The following CNKSR1 variants were observed in gnomAD, a reference collection of about 807,000 sequenced individuals.
CNKSR1 encodes CNK homolog protein 1.
In CNKSR1, 88 loss-of-function variants were observed where a neutral mutation model predicts 95.6. That is an observed-to-expected ratio of 0.92 (90% CI 0.78 to 1.10). The LOEUF is 1.10. Among genes scored for constraint, CNKSR1 ranks in the 50% least tolerant of loss-of-function variants. The probability of loss-of-function intolerance (pLI) is 0.00; values close to 1 mark genes in which losing one functional copy is unlikely to be tolerated. For synonymous variants in CNKSR1, 355 were observed against 369.7 expected (o/e 0.96, Z 0.46); for missense variants, 836 against 912.0 (o/e 0.92, Z 1.07).
At position 26,180,600 on chromosome 1, in the gene CNKSR1, T is replaced by C. The variant is rs763619601; in HGVS notation, c.200T>C (p.Leu67Pro). ...CTCATCCTGGGCGGGGTGGAACAGC[T>C]CCAGGCCCTGGTGAGTGAATGCTGG... is the stretch of plus-strand genomic sequence containing the variant. ...QELILGGVEQ[L>P]QALSSRLQTE... Residue 67 changes from leucine to proline, a missense_variant, in exon 2 of 21, where the codon CTC becomes CCC. Leu to Pro is a moderately conservative substitution (Grantham distance 98). Transcript: ENST00000361530. 1.2e-6 allele frequency: 2 copies of C among 1,614,160 alleles called. No homozygotes were observed. Among genetic ancestry groups the C allele is most frequent in the Middle Eastern group, 1.6e-4 (1 of 6,062 alleles).
Position 26,188,510 on chromosome 1 carries a change from G to A in CNKSR1, c.1590+7G>A, listed in dbSNP as rs368318144. 1.4e-5 allele frequency: 23 copies of A among 1,602,298 alleles called. No individual in the cohort carries two copies. Among genetic ancestry groups the A allele is most frequent in the East Asian group, 4.5e-5 (2 of 44,412 alleles). On this transcript the variant is annotated splice_region_variant and intron_variant, in intron 18 of 20. Coordinates refer to ENST00000361530, the MANE Select transcript of CNKSR1 (RefSeq NM_006314.3). ...TGGGTCCCACTCAGCCTCGGTGAGTGGGGGGCTGCCGGGGGTAGGAGGTGG... is the reference window on the plus strand; with the variant it reads ...TGGGTCCCACTCAGCCTCGGTGAGTAGGGGGCTGCCGGGGGTAGGAGGTGG...
At chr1:26,178,091 G>A (rs927853184) in intron 1 of CNKSR1, among the ~76,000 whole-genome samples, 1 of 152,192 alleles carries the variant, frequency 6.6e-6, no homozygotes, top group Admixed American at 6.5e-5. Flanking sequence ...GATGACCCTG[G>A]GGGGCCCAAG....
At position 26,189,825 on chromosome 1, in the gene CNKSR1, G is replaced by T. The variant is rs767401999; in HGVS notation, c.*277G>T. The T allele has an allele frequency of 1.5e-6, 1 of 660,506 alleles. No individual in the cohort carries two copies. The highest frequency in any genetic ancestry group is 2.8e-5 in the East Asian group (1 of 35,692). The allele number at this position is 660,506 out of a possible 1,614,324, so 40.9% of individuals were successfully genotyped here. On this transcript the variant is annotated 3_prime_UTR_variant, in exon 21 of 21. Coordinates refer to ENST00000361530, the MANE Select transcript of CNKSR1 (RefSeq NM_006314.3). ...TCTCCCCCAAACCAGGTCTGTACAGGTGTTCTTTATTTTACATGAGGGCTA... is the reference window on the plus strand; with the variant it reads ...TCTCCCCCAAACCAGGTCTGTACAGTTGTTCTTTATTTTACATGAGGGCTA...
intron 18 of CNKSR1, 24 bp from the exon 19 acceptor site, chr1:26,188,574 C>T (rs1227704680): frequency 6.2e-7 from 1 of 1,613,076 alleles, no homozygotes; most frequent in Non-Finnish European, 8.5e-7. Context: ...CAGAAACCCT[C>T]TGTGCTTTCC....
At chr1:26,187,013 A>G in intron 14 of CNKSR1, 155 bp from the exon 15 acceptor site, 1 of 683,930 alleles carries the variant, frequency 1.5e-6, no homozygotes. Flanking sequence ...CCCAGATTCC[A>G]GCCCTGAGCT....
chr1:26,183,662 T>A (rs2088684833), intron 8 of CNKSR1, 67 bp from the exon 9 acceptor site: 10 of 1,208,288 alleles, frequency 8.3e-6, no homozygotes, highest in Non-Finnish European at 1.1e-5. Context: ...AGCACGAGGG[T>A]GAGAGTTGGT....
At position 26,180,613 on chromosome 1, in the gene CNKSR1, G is replaced by A. The variant is rs2088631642; in HGVS notation, c.210+3G>A. On this transcript the variant is annotated splice_donor_region_variant and intron_variant, in intron 2 of 20. Coordinates refer to ENST00000361530, the MANE Select transcript of CNKSR1 (RefSeq NM_006314.3). ...GGGTGGAACAGCTCCAGGCCCTGGT[G>A]AGTGAATGCTGGTCACACTGGCTGC... The A allele has an allele frequency of 6.2e-7, 1 of 1,614,096 alleles. No homozygotes were observed. Among genetic ancestry groups the A allele is most frequent in the African/African-American group, 1.3e-5 (1 of 74,942 alleles).
chr1:26,185,938 T>C (rs1259424759), intron 14 of CNKSR1, among the ~76,000 whole-genome samples: 1 of 152,230 alleles, frequency 6.6e-6, no homozygotes, highest in Non-Finnish European at 1.5e-5. Flanking sequence ...TTCAGGTGCC[T>C]ACTGTGAACC....
In CNKSR1 at chr1:26,184,274, C is replaced by A; in HGVS notation, c.987C>A (p.Ser329Arg). 1 of 1,613,800 alleles carries A rather than the reference C, an allele frequency of 6.2e-7. No homozygotes were observed. The highest frequency in any genetic ancestry group is 1.1e-5 in the South Asian group (1 of 91,056). The change falls in exon 11 of 21, where the codon AGC (serine) becomes AGA (arginine). Residue 329 changes from serine to arginine, a missense_variant. Physicochemically the swap from Ser to Arg is moderately radical, Grantham distance 110. Transcript: ENST00000361530. ...CTTCAAACCCCAGTCCCGGACCCAGCCCTGCCTGGACAGGTAGTCTCAAAG... is the reference window on the plus strand; with the variant it reads ...CTTCAAACCCCAGTCCCGGACCCAGACCTGCCTGGACAGGTAGTCTCAAAG... ...DLSSNPSPGP[S>R]PAWTDSASLG...
At chr1:26,178,429 G>A (rs147429499) in intron 1 of CNKSR1, among the ~76,000 whole-genome samples, 1 of 152,176 alleles carries the variant, frequency 6.6e-6, no homozygotes, top group Non-Finnish European at 1.5e-5. Context: ...CTATCCAAGG[G>A]GCAAGGTGCT....
intron 3 of CNKSR1, chr1:26,181,635 T>G: frequency 3.5e-6 from 2 of 564,806 alleles, no homozygotes; most frequent in Non-Finnish European, 3.2e-6. Context: ...CTTTACTGTC[T>G]GTTTCCCCAG....
chr1:26,185,101 C>T lies in CNKSR1; in HGVS notation c.1223C>T (p.Ala408Val), dbSNP rs1212016446. 1.8e-5 allele frequency: 29 copies of T among 1,604,056 alleles called. No individual in the cohort carries two copies. The highest frequency in any genetic ancestry group is 2.5e-5 in the Non-Finnish European group (29 of 1,176,964). ...GACGGCTGGCTCCTGTTGCGAAAGG[C>T]ACCGGGCGGCTTCATGGGCCCGCGC... ...DCDGWLLLRK[A>V]PGGFMGPRWR... The change falls in exon 14 of 21, where the codon GCA (alanine) becomes GTA (valine). Residue 408 changes from alanine (A) to valine (V), a missense_variant. Physicochemically the swap from Ala to Val is moderately conservative, Grantham distance 64. Coordinates refer to ENST00000361530, the MANE Select transcript of CNKSR1 (RefSeq NM_006314.3).
chr1:26,177,679 G>A, intron 1 of CNKSR1, 80 bp downstream of exon 1: 3 of 1,551,750 alleles, frequency 1.9e-6, no homozygotes, highest in African/African-American at 2.7e-5. Context: ...AGAGGAAAAG[G>A]AAAAAAAATC....
At position 26,188,766 on chromosome 1, in the gene CNKSR1, C is replaced by T. The variant is rs559767691; in HGVS notation, c.1691-6C>T. On this transcript the variant is annotated splice_region_variant and splice_polypyrimidine_tract_variant and intron_variant, in intron 19 of 20. Transcript: ENST00000361530. ...CACATCCTCATCCTGCTCTTCCCTC[C>T]CACAGACAGCAGTGAAGAGGCACTG... The T allele has an allele frequency of 5.0e-5, 81 of 1,609,670 alleles. 1 individual carries two copies. In the South Asian group the frequency reaches 8.4e-4, roughly 17 times the overall value.
chr1:26,184,564 A>G (rs1294719093), intron 12 of CNKSR1, 21 bp from the exon 13 acceptor site: 1 of 1,607,208 alleles, frequency 6.2e-7, no homozygotes, highest in Non-Finnish European at 8.5e-7. Context: ...TCCTTCTCTC[A>G]CCCTTCTGCT....
intron 3 of CNKSR1, chr1:26,181,184 G>A (rs1252365389): frequency 7.7e-6 from 3 of 389,324 alleles, no homozygotes; most frequent in Non-Finnish European, 1.5e-5. Context: ...GGGAGGCTGA[G>A]GCAGGAGAAT....
intron 17 of CNKSR1, 47 bp downstream of exon 17, chr1:26,188,354 G>A (rs1325300993): frequency 6.2e-7 from 1 of 1,612,254 alleles, no homozygotes; most frequent in Non-Finnish European, 8.5e-7. Flanking sequence ...ACCTGAGCCT[G>A]TGCCTTTCCT....
In CNKSR1 at chr1:26,183,797, G is replaced by A; in HGVS notation, c.822G>A (p.Leu274=). The A allele has an allele frequency of 6.2e-7, 1 of 1,613,212 alleles. No individual in the cohort carries two copies. The part of the protein sequence containing the change: ...LREPAGLSLV[L]KKIPIPETPP... The stretch of plus-strand genomic sequence containing the variant: ...AGCCAGCCGGACTCAGCTTAGTGCT[G>A]AAGAAGATCCCGATACCGGAGACCC... Residue 274 remains leucine, a synonymous_variant, in exon 9 of 21, where the codon CTG becomes CTA. Coordinates refer to ENST00000361530, the MANE Select transcript of CNKSR1 (RefSeq NM_006314.3).
intron 1 of CNKSR1, among the ~76,000 whole-genome samples, chr1:26,179,185 G>A (rs571228946): frequency 6.6e-6 from 1 of 152,294 alleles, no homozygotes; most frequent in African/African-American, 2.4e-5. Flanking sequence ...CACAGGCCGG[G>A]GGTTAGAGAC....
Sources: gnomAD v4.1 joint callset for allele counts (sites outside exome capture counted in the v4.1 genomes callset) on GRCh38, gnomAD v4.1.1 for gene constraint, MANE v1.5 for transcripts, NCBI Gene and HGNC (gene_info 2026-07-23, HGNC 2026-07-21) for gene names.